Variants in NELL1 observed in about 807,000 individuals in gnomAD.
NELL1 encodes neural EGFL like 1, also known as protein kinase C-binding protein NELL1.
NELL1 carries 76 observed loss-of-function variants against 107.4 expected under a neutral mutation model. The ratio of observed to expected loss-of-function variants is 0.71; its 90% CI spans 0.59 to 0.86. The LOEUF (loss-of-function observed/expected upper bound fraction) is 0.86. NELL1 is among the 40% of genes least tolerant of loss of function. NELL1 has a pLI of 0.00. For synonymous variants in NELL1, 353 were observed against 341.2 expected (o/e 1.03, Z -0.38); for missense variants, 1,024 against 1,005.5 (o/e 1.02, Z -0.25).
rs1854192050 is a variant in NELL1, at chr11:20,681,643, G to T, written c.184+3583G>T. Among the ~76,000 whole-genome samples, 5 of 151,990 alleles carry T rather than the reference G, an allele frequency of 3.3e-5. No homozygotes were observed. In the South Asian group the frequency reaches 1.0e-3, roughly 32 times the overall value. The stretch of plus-strand genomic sequence containing the variant: ...CTAAAGTTTGCATTGGTTTCTTACT[G>T]GTGCTATAACAAATTTCTACAAATT... On this transcript the variant is annotated intron_variant, in intron 2 of 19. Transcript: ENST00000357134.
intron 14 of NELL1, among the ~76,000 whole-genome samples, chr11:21,357,953 A>G (rs900371491): frequency 6.6e-6 from 1 of 152,118 alleles, no homozygotes; most frequent in African/African-American, 2.4e-5. Flanking sequence ...TCACTTGACT[A>G]TAAGTATTTG....
At chr11:21,059,269 T>TG (rs1395706941) in intron 12 of NELL1, among the ~76,000 whole-genome samples, 16 of 151,904 alleles carry the variant, frequency 1.1e-4, no homozygotes, top group Middle Eastern at 3.4e-3. Context: ...TGTTTTGTTT[T>TG]TTTTTTTTTC....
At chr11:21,108,847 A>C (rs188924756) in intron 12 of NELL1, among the ~76,000 whole-genome samples, 1 of 152,288 alleles carries the variant, frequency 6.6e-6, no homozygotes, top group East Asian at 1.9e-4. Flanking sequence ...ATGCCAGAAC[A>C]AATTCATGAA....
At chr11:21,071,543 G>A (rs890631006) in intron 12 of NELL1, among the ~76,000 whole-genome samples, 2 of 152,130 alleles carry the variant, frequency 1.3e-5, no homozygotes, top group Admixed American at 6.5e-5. Context: ...TGACATTTCC[G>A]AAGGCAGCCT....
intron 10 of NELL1, among the ~76,000 whole-genome samples, chr11:20,940,926 G>A (rs11025823): frequency 0.062 from 9,411 of 152,136 alleles, 380 homozygotes; most frequent in East Asian, 0.19. Flanking sequence ...ATCATCTGAG[G>A]TCAGGAGTTC....
chr11:21,450,272 G>T (rs1945408), intron 15 of NELL1, among the ~76,000 whole-genome samples: 114,918 of 152,076 alleles, frequency 0.76, 44,836 homozygotes, highest in South Asian at 0.91. Context: ...TTATTATAAT[G>T]TCATTGTAAT....
intron 13 of NELL1, among the ~76,000 whole-genome samples, chr11:21,198,181 T>G (rs1048953426): frequency 2.6e-5 from 4 of 152,224 alleles, no homozygotes; most frequent in African/African-American, 9.6e-5. Context: ...GCACTCCATG[T>G]GCCTCTCCAC....
chr11:21,389,602 G>C (rs1343932788), intron 15 of NELL1, among the ~76,000 whole-genome samples: 1 of 151,666 alleles, frequency 6.6e-6, no homozygotes, highest in Non-Finnish European at 1.5e-5. Flanking sequence ...ACACCAAGAG[G>C]AACCACTCTC....
chr11:21,299,243 C>T (rs371083027), intron 14 of NELL1, among the ~76,000 whole-genome samples: 19 of 152,076 alleles, frequency 1.2e-4, no homozygotes, highest in African/African-American at 4.1e-4. Context: ...ATTTTTGCAG[C>T]ATTTTCAGTC....
At chr11:21,363,997 G>T (rs117000039) in intron 14 of NELL1, among the ~76,000 whole-genome samples, 1 of 152,226 alleles carries the variant, frequency 6.6e-6, no homozygotes, top group East Asian at 1.9e-4. Context: ...TTCACCTGTG[G>T]AGGCCATATT....
At chr11:20,893,452 C>G (rs980632357) in intron 5 of NELL1, among the ~76,000 whole-genome samples, 1 of 150,762 alleles carries the variant, frequency 6.6e-6, no homozygotes, top group Non-Finnish European at 1.5e-5. Flanking sequence ...TAAAGGTGAT[C>G]TGATTTAAAG....
intron 12 of NELL1, among the ~76,000 whole-genome samples, chr11:21,069,690 T>G (rs1853965044): frequency 1.3e-5 from 2 of 152,258 alleles, no homozygotes; most frequent in South Asian, 4.1e-4. Context: ...TTTGAAGTAT[T>G]ATTTGTAGAA....
At chr11:20,806,182 T>A (rs1485237333) in intron 3 of NELL1, among the ~76,000 whole-genome samples, 2 of 151,776 alleles carry the variant, frequency 1.3e-5, no homozygotes, top group African/African-American at 2.4e-5. Flanking sequence ...TATAGGACAG[T>A]TCTGGTGCTT....
chr11:21,162,716 T>G (rs758909130), intron 13 of NELL1, among the ~76,000 whole-genome samples: 55 of 152,156 alleles, frequency 3.6e-4, no homozygotes, highest in Non-Finnish European at 6.6e-4. Flanking sequence ...GTGATGGGGC[T>G]GGGTGGTGTC....
intron 15 of NELL1, among the ~76,000 whole-genome samples, chr11:21,373,094 T>C (rs927381268): frequency 6.6e-6 from 1 of 152,022 alleles, no homozygotes; most frequent in Non-Finnish European, 1.5e-5. Context: ...AAAAATACAA[T>C]AAAACAAGAT....
At chr11:20,834,710 A>C (rs923157925) in intron 3 of NELL1, among the ~76,000 whole-genome samples, 2 of 151,988 alleles carry the variant, frequency 1.3e-5, no homozygotes, top group Non-Finnish European at 2.9e-5. Context: ...CAAAAAAAAA[A>C]ACAAAAAACA....
chr11:20,883,360 A>C (rs1205703473), intron 4 of NELL1, among the ~76,000 whole-genome samples: 2 of 152,152 alleles, frequency 1.3e-5, no homozygotes, highest in East Asian at 3.9e-4. Context: ...AATCTCTTTG[A>C]TTGTTTTTTC....
At chr11:21,274,261 T>C (rs999304218) in intron 14 of NELL1, among the ~76,000 whole-genome samples, 2 of 152,158 alleles carry the variant, frequency 1.3e-5, no homozygotes, top group African/African-American at 4.8e-5. Flanking sequence ...TCCTAGTCTC[T>C]GATAAAACAG....
chr11:20,768,657 G>C (rs1856581784), intron 2 of NELL1, among the ~76,000 whole-genome samples: 1 of 152,236 alleles, frequency 6.6e-6, no homozygotes, highest in South Asian at 2.1e-4. Flanking sequence ...TCTCATAAGA[G>C]AAAGACATGA....
Sources: allele counts gnomAD v4.1 joint callset (sites outside exome capture counted in the v4.1 genomes callset), GRCh38; gene constraint gnomAD v4.1.1; transcripts MANE v1.5; gene names NCBI Gene and HGNC (gene_info 2026-07-23, HGNC 2026-07-21).